Variants in SAMTOR observed in about 807,000 individuals in gnomAD.
SAMTOR encodes S-adenosylmethionine sensor upstream of mTORC1, also known as UPF0532 protein C7orf60.
the SAMTOR span, among the ~76,000 whole-genome samples, chr7:112,910,676 C>G: frequency 6.6e-6 from 1 of 152,008 alleles, no homozygotes; most frequent in African/African-American, 2.4e-5. Flanking sequence ...TAATATGACA[C>G]AAAATGATGT....
At chr7:112,866,791 T>C in the SAMTOR span, among the ~76,000 whole-genome samples, 1 of 152,264 alleles carries the variant, frequency 6.6e-6, no homozygotes, top group South Asian at 2.1e-4. Flanking sequence ...GCCTGAATAC[T>C]ACATCTCGAA....
chr7:112,823,442 C>A, the SAMTOR span, among the ~76,000 whole-genome samples: 1 of 152,084 alleles, frequency 6.6e-6, no homozygotes, highest in Non-Finnish European at 1.5e-5. Flanking sequence ...TTTGTATTTC[C>A]TAGAATTTTA....
chr7:112,857,087 T>TC, the SAMTOR span, among the ~76,000 whole-genome samples: 33 of 141,422 alleles, frequency 2.3e-4, no homozygotes, highest in East Asian at 6.5e-3. Context: ...ATCTTTTTTT[T>TC]TTTTTTTTTT....
At chr7:112,916,193 G>A in the SAMTOR span, among the ~76,000 whole-genome samples, 1 of 152,130 alleles carries the variant, frequency 6.6e-6, no homozygotes, top group Admixed American at 6.5e-5. Context: ...TATCCATTCA[G>A]CTACTACCTT....
chr7:112,883,501 G>A, the SAMTOR span, among the ~76,000 whole-genome samples: 1 of 152,204 alleles, frequency 6.6e-6, no homozygotes, highest in African/African-American at 2.4e-5. Flanking sequence ...TCACAGCTAT[G>A]TCTTAGTTGC....
chr7:112,853,560 TG>T, the SAMTOR span, among the ~76,000 whole-genome samples: 5 of 152,162 alleles, frequency 3.3e-5, no homozygotes, highest in African/African-American at 1.2e-4. Flanking sequence ...AAGAAAGAGC[TG>T]TAATTCTAAG....
chr7:112,939,756 A>AGCCGCCGCC, the SAMTOR span: 98 of 1,586,160 alleles, frequency 6.2e-5, 1 homozygote, highest in South Asian at 4.2e-4. Flanking sequence ...TCCATATCGC[A>AGCCGCCGCC]GCCGCCGCCG....
the SAMTOR span, among the ~76,000 whole-genome samples, chr7:112,867,787 C>A: frequency 6.6e-6 from 1 of 152,124 alleles, no homozygotes; most frequent in African/African-American, 2.4e-5. Context: ...TATTTAAAAG[C>A]AAAACATGAA....
the SAMTOR span, among the ~76,000 whole-genome samples, chr7:112,902,443 A>AAAAAAAAAAAAAAAAAAG: frequency 7.4e-6 from 1 of 134,548 alleles, no homozygotes; most frequent in South Asian, 2.4e-4. Context: ...AAAAAACAAA[A>AAAAAAAAAAAAAAAAAAG]AAAAACAAAA....
the SAMTOR span, among the ~76,000 whole-genome samples, chr7:112,828,544 T>G: frequency 2.3e-4 from 35 of 152,198 alleles, no homozygotes; most frequent in Non-Finnish European, 4.7e-4. Flanking sequence ...TTTAATTTGA[T>G]TACCTCTGTA....
At chr7:112,904,992 T>G in the SAMTOR span, among the ~76,000 whole-genome samples, 2 of 152,116 alleles carry the variant, frequency 1.3e-5, no homozygotes, top group Non-Finnish European at 2.9e-5. Context: ...GGGAAAACAT[T>G]TCTCATATGC....
chr7:112,861,521 G>C, the SAMTOR span, among the ~76,000 whole-genome samples: 2 of 152,164 alleles, frequency 1.3e-5, no homozygotes, highest in African/African-American at 4.8e-5. Flanking sequence ...GATTTTTATA[G>C]ACATATAGGA....
chr7:112,820,039 GA>G, the SAMTOR span: 1 of 152,448 alleles, frequency 6.6e-6, no homozygotes, highest in African/African-American at 2.4e-5. Context: ...AAATATTAAA[GA>G]ATCTTATGCT....
chr7:112,892,231 TCAGG>T, the SAMTOR span, among the ~76,000 whole-genome samples: 1 of 152,312 alleles, frequency 6.6e-6, no homozygotes, highest in South Asian at 2.1e-4. Flanking sequence ...AGTCCCATCT[TCAGG>T]CTCCACTTCT....
chr7:112,849,924 C>T, the SAMTOR span, among the ~76,000 whole-genome samples: 1 of 152,092 alleles, frequency 6.6e-6, no homozygotes, highest in African/African-American at 2.4e-5. Flanking sequence ...ACCATCTTTG[C>T]AGTTGGGCAT....
chr7:112,919,679 C>A, the SAMTOR span, among the ~76,000 whole-genome samples: 1 of 151,634 alleles, frequency 6.6e-6, no homozygotes, highest in Non-Finnish European at 1.5e-5. Flanking sequence ...TTGAAAGGAT[C>A]AACAAAATTG....
At chr7:112,843,453 G>A in the SAMTOR span, among the ~76,000 whole-genome samples, 1 of 151,836 alleles carries the variant, frequency 6.6e-6, no homozygotes, top group Admixed American at 6.6e-5. Flanking sequence ...ATTTCTCTAA[G>A]TAATAAAGTC....
At chr7:112,898,334 G>T in the SAMTOR span, among the ~76,000 whole-genome samples, 1,615 of 152,304 alleles carry the variant, frequency 0.011, 29 homozygotes, top group African/African-American at 0.036. Flanking sequence ...ACCAGCTGTG[G>T]TGGCCATGGG....
At chr7:112,892,711 C>A in the SAMTOR span, among the ~76,000 whole-genome samples, 1 of 151,660 alleles carries the variant, frequency 6.6e-6, no homozygotes, top group African/African-American at 2.4e-5. Context: ...GGTCAAGGCT[C>A]CTGTGAGCTG....
Sources: allele counts gnomAD v4.1 joint callset (sites outside exome capture counted in the v4.1 genomes callset), GRCh38; gene constraint gnomAD v4.1.1; transcripts MANE v1.5; gene names NCBI Gene and HGNC (gene_info 2026-07-23, HGNC 2026-07-21).